The following ALKAL1 variants were observed in gnomAD, a reference collection of about 807,000 sequenced individuals.
The protein encoded by ALKAL1 is AUG-beta.
A neutral mutation model predicts 13.5 loss-of-function variants in ALKAL1; 23 were observed. That is an observed-to-expected ratio of 1.70 (90% CI 1.23 to 2.41). ALKAL1 has a LOEUF of 2.41. Ranked by LOEUF, ALKAL1 falls within the 30% of genes most tolerant of loss-of-function variation. ALKAL1 has a pLI of 0.00. For missense variants in ALKAL1, 181 were observed against 178.4 expected (o/e 1.01, Z -0.08); for synonymous variants, 85 against 77.7 (o/e 1.09, Z -0.49).
chr8:52,558,420 G>A (rs1847506308), intron 1 of ALKAL1, among the ~76,000 whole-genome samples: 1 of 148,384 alleles, frequency 6.7e-6, no homozygotes, highest in Non-Finnish European at 1.5e-5. Context: ...AAATTTGAAT[G>A]AGTAGTTTAT....
chr8:52,543,270 A>T (rs187242562), intron 1 of ALKAL1, among the ~76,000 whole-genome samples: 49 of 152,326 alleles, frequency 3.2e-4, no homozygotes, highest in African/African-American at 1.2e-3. Context: ...TAAACTTACA[A>T]CATTTTAAGA....
intron 2 of ALKAL1, among the ~76,000 whole-genome samples, chr8:52,540,620 C>T (rs1847303720): frequency 1.3e-5 from 2 of 152,172 alleles, no homozygotes; most frequent in African/African-American, 4.8e-5. Context: ...AGTCCCACCT[C>T]AGTTACTCTA....
chr8:52,550,181 G>A (rs1847416052), intron 1 of ALKAL1, among the ~76,000 whole-genome samples: 1 of 152,174 alleles, frequency 6.6e-6, no homozygotes, highest in Non-Finnish European at 1.5e-5. Flanking sequence ...CATTAGCTGG[G>A]TGGTTTAATG....
At chr8:52,553,578 T>C (rs1847450706) in intron 1 of ALKAL1, among the ~76,000 whole-genome samples, 1 of 152,190 alleles carries the variant, frequency 6.6e-6, no homozygotes, top group South Asian at 2.1e-4. Flanking sequence ...GTTTCTTTTA[T>C]AAATTCAGGT....
chr8:52,550,552 C>T (rs1847419370), intron 1 of ALKAL1, among the ~76,000 whole-genome samples: 1 of 152,158 alleles, frequency 6.6e-6, no homozygotes, highest in African/African-American at 2.4e-5. Context: ...GCTGCCATAA[C>T]AAAGTTCTAG....
Position 52,565,132 on chromosome 8 carries a change from G to T in ALKAL1, c.125C>A (p.Pro42His), listed in dbSNP as rs771323409. 2.6e-5 allele frequency: 37 copies of T among 1,417,180 alleles called. No individual in the cohort carries two copies. The South Asian group carries it at 4.9e-4, about 19-fold the overall frequency. 87.8% of individuals were successfully genotyped at this position (1,417,180 alleles called of 1,614,324 possible). ...RRGARVTDKE[P>H]KPLLFLPAAG... ...CGCGGGGAGGAAAAGCAACGGCTTG[G>T]GCTCCTTATCCGTGACGCGCGCTCC... Residue 42 changes from proline (P) to histidine (H), a missense_variant, in exon 1 of 5, where the codon CCC becomes CAC. Coordinates refer to ENST00000358543, the MANE Select transcript of ALKAL1 (RefSeq NM_207413.4).
intron 1 of ALKAL1, among the ~76,000 whole-genome samples, chr8:52,544,521 T>C (rs1847346770): frequency 6.6e-6 from 1 of 152,092 alleles, no homozygotes; most frequent in Non-Finnish European, 1.5e-5. Flanking sequence ...TGTGCTTAAT[T>C]CTGTGGGTGA....
At chr8:52,560,067 A>G (rs1473137498) in intron 1 of ALKAL1, among the ~76,000 whole-genome samples, 3 of 152,184 alleles carry the variant, frequency 2.0e-5, no homozygotes, top group African/African-American at 7.2e-5. Context: ...ACATTCAAAT[A>G]GAATAATATA....
intron 1 of ALKAL1, 36 bp from the exon 2 acceptor site, chr8:52,542,481 A>C (rs1477210535): frequency 8.7e-6 from 11 of 1,267,290 alleles, no homozygotes; most frequent in African/African-American, 1.5e-5. Flanking sequence ...AATTTATTGA[A>C]TGCATTTCTC....
rs191876501 is a variant in ALKAL1 at position 52,536,009 on chromosome 8, G to T, written c.*13-1409C>A. On this transcript the variant is annotated intron_variant, in intron 4 of 4. Coordinates refer to ENST00000358543, the MANE Select transcript of ALKAL1 (RefSeq NM_207413.4). ...CCTGGAGTGCAGTGCTGCAATCTCAGCTCACCGTAATCTCCACCTCTTGGG... is the reference window on the plus strand; with the variant it reads ...CCTGGAGTGCAGTGCTGCAATCTCATCTCACCGTAATCTCCACCTCTTGGG... Among the ~76,000 whole-genome samples, 227 of 152,124 alleles carry T rather than the reference G, an allele frequency of 1.5e-3. 2 individuals carry two copies. The highest frequency in any genetic ancestry group is 5.2e-3 in the African/African-American group (217 of 41,498).
chr8:52,553,437 A>G (rs566309889), intron 1 of ALKAL1, among the ~76,000 whole-genome samples: 43 of 152,330 alleles, frequency 2.8e-4, no homozygotes, highest in African/African-American at 1.0e-3. Flanking sequence ...GACTTCAAAC[A>G]CATAGTCATA....
At chr8:52,563,403 C>T (rs1485232927) in intron 1 of ALKAL1, among the ~76,000 whole-genome samples, 1 of 152,132 alleles carries the variant, frequency 6.6e-6, no homozygotes, top group African/African-American at 2.4e-5. Context: ...TGCACTCCAG[C>T]CTGGGAGACA....
intron 1 of ALKAL1, among the ~76,000 whole-genome samples, chr8:52,551,077 T>G (rs1847423230): frequency 6.6e-6 from 1 of 152,208 alleles, no homozygotes; most frequent in Admixed American, 6.5e-5. Flanking sequence ...CAAAATTATT[T>G]TTAAATGATT....
intron 3 of ALKAL1, among the ~76,000 whole-genome samples, chr8:52,539,067 C>G (rs1169816465): frequency 6.6e-6 from 1 of 152,108 alleles, no homozygotes; most frequent in African/African-American, 2.4e-5. Flanking sequence ...GCTGGGATTA[C>G]AGTCGTGAGC....
chr8:52,540,771 G>A (rs1847305309), intron 2 of ALKAL1, among the ~76,000 whole-genome samples: 2 of 151,910 alleles, frequency 1.3e-5, no homozygotes, highest in African/African-American at 4.8e-5. Flanking sequence ...ACAACAAAAT[G>A]TTCATCCCTC....
intron 1 of ALKAL1, among the ~76,000 whole-genome samples, chr8:52,555,003 C>A (rs1237359918): frequency 6.6e-6 from 1 of 152,006 alleles, no homozygotes; most frequent in Non-Finnish European, 1.5e-5. Context: ...AACCCCATCT[C>A]TACTAAAAAT....
chr8:52,554,721 C>T (rs985362449), intron 1 of ALKAL1, among the ~76,000 whole-genome samples: 1 of 152,202 alleles, frequency 6.6e-6, no homozygotes, highest in East Asian at 1.9e-4. Context: ...CCTTGGGGTA[C>T]ACAAACACTT....
chr8:52,564,927 G>C (rs1847584788), intron 1 of ALKAL1, 140 bp downstream of exon 1: 2 of 614,730 alleles, frequency 3.3e-6, no homozygotes, highest in African/African-American at 1.9e-5. Context: ...CTTTCCGAGA[G>C]CTGGGAATCT....
chr8:52,551,499 G>T (rs940838132), intron 1 of ALKAL1, among the ~76,000 whole-genome samples: 2 of 150,048 alleles, frequency 1.3e-5, no homozygotes, highest in African/African-American at 4.9e-5. Context: ...GTAGAGAAGG[G>T]GGTCTTACTT....
Sources: allele counts gnomAD v4.1 joint callset (sites outside exome capture counted in the v4.1 genomes callset), GRCh38; gene constraint gnomAD v4.1.1; transcripts MANE v1.5; gene names NCBI Gene and HGNC (gene_info 2026-07-23, HGNC 2026-07-21).